The following GPHN variants were observed in gnomAD, a reference collection of about 807,000 sequenced individuals.
GPHN encodes gephyrin.
GPHN carries 17 observed loss-of-function variants against 95.5 expected under a neutral mutation model. The observed-to-expected ratio is 0.18, with a 90% CI of 0.12 to 0.27. GPHN has a LOEUF of 0.27. GPHN is among the 10% of genes least tolerant of loss of function. The probability of loss-of-function intolerance (pLI) is 1.00; values close to 1 mark genes in which losing one functional copy is unlikely to be tolerated. For missense variants in GPHN, 660 were observed against 978.1 expected (o/e 0.67, Z 4.34); for synonymous variants, 320 against 322.5 (o/e 0.99, Z 0.08).
intron 3 of GPHN, among the ~76,000 whole-genome samples, chr14:66,794,979 A>C (rs1015055206): frequency 1.3e-5 from 2 of 152,164 alleles, no homozygotes; most frequent in African/African-American, 4.8e-5. Flanking sequence ...ACAGTAGCAC[A>C]TGCTATAATC....
chr14:67,059,410 C>A (rs533446782), intron 11 of GPHN, among the ~76,000 whole-genome samples: 17 of 152,198 alleles, frequency 1.1e-4, no homozygotes, highest in Admixed American at 3.9e-4. Flanking sequence ...CTTGTGGTTT[C>A]TCCCCAACAC....
At chr14:67,309,790 C>G in the GPHN span, among the ~76,000 whole-genome samples, 2 of 152,224 alleles carry the variant, frequency 1.3e-5, no homozygotes, top group Middle Eastern at 3.4e-3. Context: ...CATGAGAATT[C>G]ATCATTTTAA....
chr14:67,392,205 T>C, the GPHN span: 6 of 718,280 alleles, frequency 8.4e-6, no homozygotes, highest in African/African-American at 8.7e-5. Flanking sequence ...CTTGCTTTCG[T>C]AGATTTTGCT....
intron 13 of GPHN, among the ~76,000 whole-genome samples, chr14:67,107,729 G>A (rs1490303760): frequency 1.3e-5 from 2 of 152,282 alleles, no homozygotes; most frequent in East Asian, 1.9e-4. Flanking sequence ...GAATGGCAGA[G>A]CGCAGCTGTG....
intron 1 of GPHN, among the ~76,000 whole-genome samples, chr14:66,636,370 T>G (rs960137110): frequency 6.6e-6 from 1 of 152,114 alleles, no homozygotes; most frequent in Non-Finnish European, 1.5e-5. Context: ...CAGTTTGAAT[T>G]TTCTTAAATT....
At chr14:66,874,950 T>C (rs1476630884) in intron 4 of GPHN, among the ~76,000 whole-genome samples, 1 of 151,906 alleles carries the variant, frequency 6.6e-6, no homozygotes, top group East Asian at 1.9e-4. Flanking sequence ...CCAAGACACA[T>C]AATCATCAGA....
At chr14:66,597,008 G>T (rs2062010869) in intron 1 of GPHN, among the ~76,000 whole-genome samples, 1 of 152,180 alleles carries the variant, frequency 6.6e-6, no homozygotes, top group African/African-American at 2.4e-5. Context: ...CTGCCATTAG[G>T]ATAGGGACAA....
intron 5 of GPHN, among the ~76,000 whole-genome samples, chr14:66,891,951 CTGT>C (rs2064533734): frequency 1.3e-5 from 2 of 152,004 alleles, no homozygotes; most frequent in Admixed American, 1.3e-4. Context: ...ATTACGTTGG[CTGT>C]TATCAAAAAA....
At chr14:67,601,571 T>A in the GPHN span, among the ~76,000 whole-genome samples, 2 of 152,126 alleles carry the variant, frequency 1.3e-5, no homozygotes, top group African/African-American at 4.8e-5. Flanking sequence ...CATTTTTACT[T>A]CTGATGTGGC....
At chr14:66,600,738 A>T (rs549788766) in intron 1 of GPHN, among the ~76,000 whole-genome samples, 23 of 152,226 alleles carry the variant, frequency 1.5e-4, no homozygotes, top group Admixed American at 4.6e-4. Flanking sequence ...ATCAACAAAA[A>T]GCACAAAAAT....
Position 66,772,344 on chromosome 14 carries a change from A to T in GPHN, c.144-4120A>T, listed in dbSNP as rs556509028. On this transcript the variant is annotated intron_variant, in intron 2 of 22. Transcript: ENST00000478722. Reference sequence around the variant, plus strand: ...TACTTAGATAGCAGGCCCTGCTTTTAATCTTTGACCTCGTGGTAGGCAGAA... The same window carrying T: ...TACTTAGATAGCAGGCCCTGCTTTTTATCTTTGACCTCGTGGTAGGCAGAA... Among the ~76,000 whole-genome samples the T allele has an allele frequency of 9.5e-4, 144 of 152,316 alleles. 1 individual carries two copies. In the Middle Eastern group the frequency reaches 0.01, roughly 11 times the overall value.
At chr14:66,774,161 C>T (rs1211588232) in intron 2 of GPHN, among the ~76,000 whole-genome samples, 2 of 151,828 alleles carry the variant, frequency 1.3e-5, no homozygotes, top group Non-Finnish European at 2.9e-5. Flanking sequence ...CACCACCACA[C>T]CCGGCTACTT....
At chr14:67,200,853 T>C in the GPHN span, among the ~76,000 whole-genome samples, 12 of 152,192 alleles carry the variant, frequency 7.9e-5, no homozygotes, top group African/African-American at 1.9e-4. Flanking sequence ...TTGTCCAACA[T>C]TGGGGGTAGT....
At chr14:67,147,966 T>G (rs911917664) in intron 18 of GPHN, among the ~76,000 whole-genome samples, 2 of 152,138 alleles carry the variant, frequency 1.3e-5, no homozygotes, top group Non-Finnish European at 2.9e-5. Flanking sequence ...TCTAGGAAAT[T>G]TTAAAGATGA....
chr14:67,536,609 C>T, the GPHN span, among the ~76,000 whole-genome samples: 11 of 151,858 alleles, frequency 7.2e-5, no homozygotes, highest in Admixed American at 1.3e-4. Context: ...TTTTAGGGTC[C>T]TGTATTGATT....
the GPHN span, among the ~76,000 whole-genome samples, chr14:67,356,733 TAA>T: frequency 1.5e-4 from 23 of 152,252 alleles, no homozygotes; most frequent in Admixed American, 1.2e-3. Context: ...TGCCTCCCCT[TAA>T]AGAGAACAAT....
chr14:66,585,961 G>A (rs540168791), intron 1 of GPHN, among the ~76,000 whole-genome samples: 5 of 151,940 alleles, frequency 3.3e-5, no homozygotes, highest in African/African-American at 7.3e-5. Flanking sequence ...TTTCTGTCTC[G>A]TTGATCTGTC....
chr14:67,450,734 A>G, the GPHN span, among the ~76,000 whole-genome samples: 1 of 152,264 alleles, frequency 6.6e-6, no homozygotes, highest in Admixed American at 6.5e-5. Context: ...GAAGCAGAGC[A>G]TAAAAGTTCA....
rs549037017 is a variant in GPHN at position 66,533,480 on chromosome 14, A to G, written c.64+24889A>G. 3.9e-5 allele frequency among the ~76,000 whole-genome samples: 6 copies of G among 152,350 alleles called. No individual in the cohort carries two copies. The South Asian group carries it at 1.0e-3, about 26-fold the overall frequency. ...AATACAGAATGAAATAAAAGCTGTA[A>G]TAGAAGTACAAGCAACATGCCGTGG... On this transcript the variant is annotated intron_variant, in intron 1 of 22. Coordinates refer to ENST00000478722, the MANE Select transcript of GPHN (RefSeq NM_020806.5).
Sources: allele counts gnomAD v4.1 joint callset (sites outside exome capture counted in the v4.1 genomes callset), GRCh38; gene constraint gnomAD v4.1.1; transcripts MANE v1.5; gene names NCBI Gene and HGNC (gene_info 2026-07-23, HGNC 2026-07-21).